Variants in ANKS1B observed in about 807,000 individuals in gnomAD.
The protein encoded by ANKS1B is ankyrin repeat and sterile alpha motif domain-containing protein 1B.
Under a neutral mutation model 148.3 loss-of-function variants are expected in ANKS1B, and 36 were observed. The observed-to-expected ratio is 0.24, with a 90% CI of 0.19 to 0.32. The LOEUF is 0.32. Ranked by LOEUF, ANKS1B falls within the 10% of genes least tolerant of loss-of-function variation. The pLI is 1.00. For synonymous variants in ANKS1B, 542 were observed against 560.8 expected (o/e 0.97, Z 0.47); for missense variants, 1,157 against 1,542.6 (o/e 0.75, Z 4.19).
chr12:98,983,552 G>A (rs1471915852), intron 17 of ANKS1B, among the ~76,000 whole-genome samples: 1 of 152,090 alleles, frequency 6.6e-6, no homozygotes, highest in Admixed American at 6.6e-5. Context: ...AAGTTATGAG[G>A]GTCATCTATA....
chr12:99,302,750 C>G (rs145676839), intron 12 of ANKS1B, among the ~76,000 whole-genome samples: 2 of 152,230 alleles, frequency 1.3e-5, no homozygotes, highest in Non-Finnish European at 2.9e-5. Context: ...TTTGGCAGCA[C>G]AGATTTGGCT....
chr12:99,857,840 G>C (rs1037390063), intron 1 of ANKS1B, among the ~76,000 whole-genome samples: 2 of 152,072 alleles, frequency 1.3e-5, no homozygotes, highest in African/African-American at 4.8e-5. Context: ...CCACATGTAG[G>C]AGAATGAAAC....
chr12:99,353,543 T>C (rs1191096172), intron 12 of ANKS1B, among the ~76,000 whole-genome samples: 1 of 152,086 alleles, frequency 6.6e-6, no homozygotes, highest in African/African-American at 2.4e-5. Flanking sequence ...TCTCCCAGAA[T>C]TCCAGAGCAT....
intron 9 of ANKS1B, among the ~76,000 whole-genome samples, chr12:99,506,195 T>G (rs941589575): frequency 6.6e-6 from 1 of 152,096 alleles, no homozygotes. Context: ...ACCATCTGTA[T>G]GTGCTACTTT....
chr12:99,476,481 T>C (rs116074354), intron 10 of ANKS1B, among the ~76,000 whole-genome samples: 219 of 152,230 alleles, frequency 1.4e-3, no homozygotes, highest in African/African-American at 4.8e-3. Context: ...GTACTACATA[T>C]AACAGATTAA....
rs1228939999 is a variant in ANKS1B, at chr12:99,634,971, A to G, written c.1272+20096T>C. Among the ~76,000 whole-genome samples, 3 of 152,232 alleles carry G rather than the reference A, an allele frequency of 2.0e-5. No individual in the cohort carries two copies. In the East Asian group the frequency reaches 5.8e-4, roughly 29 times the overall value. Reference sequence around the variant, plus strand: ...AAAAGACTTGAATAGACACTTTTCCAGAGAAGATATACAAATGGTCAACAA... The same window carrying G: ...AAAAGACTTGAATAGACACTTTTCCGGAGAAGATATACAAATGGTCAACAA... On this transcript the variant is annotated intron_variant, in intron 9 of 26. Transcript: ENST00000683438.
At chr12:99,690,532 T>C (rs2098673586) in intron 8 of ANKS1B, among the ~76,000 whole-genome samples, 2 of 152,096 alleles carry the variant, frequency 1.3e-5, no homozygotes, top group African/African-American at 4.8e-5. Context: ...CCATTCCAAA[T>C]GGGAGAAAAA....
At chr12:99,125,756 C>T (rs1030217263) in intron 15 of ANKS1B, among the ~76,000 whole-genome samples, 1 of 152,072 alleles carries the variant, frequency 6.6e-6, no homozygotes, top group Non-Finnish European at 1.5e-5. Context: ...AGCGAGGATG[C>T]TGATAAACAG....
In ANKS1B at chr12:99,706,148, T is replaced by C. The variant is rs888770930; in HGVS notation, c.1129-50938A>G. On this transcript the variant is annotated intron_variant, in intron 8 of 26. Coordinates refer to ENST00000683438, the MANE Select transcript of ANKS1B (RefSeq NM_001352186.2). ...GTGCTTGTGTGGGGTACTGTTATAGTAAGCGGTAGGAAAGAGAGGAATGCC... is the reference window on the plus strand; with the variant it reads ...GTGCTTGTGTGGGGTACTGTTATAGCAAGCGGTAGGAAAGAGAGGAATGCC... 2.6e-5 allele frequency among the ~76,000 whole-genome samples: 4 copies of C among 152,048 alleles called. No homozygotes were observed. The East Asian group carries it at 7.7e-4, about 29-fold the overall frequency.
chr12:99,807,331 T>C (rs1602564592), intron 3 of ANKS1B, among the ~76,000 whole-genome samples: 1 of 152,148 alleles, frequency 6.6e-6, no homozygotes, highest in Non-Finnish European at 1.5e-5. Flanking sequence ...CAGTACAACA[T>C]GTGCAGCTTA....
chr12:99,771,762 G>C (rs530890575), intron 8 of ANKS1B, among the ~76,000 whole-genome samples: 1 of 152,108 alleles, frequency 6.6e-6, no homozygotes, highest in East Asian at 1.9e-4. Context: ...AAAAGAGAGT[G>C]AAGCACAAAA....
intron 14 of ANKS1B, among the ~76,000 whole-genome samples, chr12:99,164,405 A>G (rs2076997935): frequency 6.6e-6 from 1 of 151,844 alleles, no homozygotes; most frequent in Non-Finnish European, 1.5e-5. Flanking sequence ...GTTCTTATTT[A>G]TTTACATTGT....
At chr12:99,631,406 T>C (rs921739501) in intron 9 of ANKS1B, among the ~76,000 whole-genome samples, 4 of 151,538 alleles carry the variant, frequency 2.6e-5, no homozygotes, top group Non-Finnish European at 5.9e-5. Context: ...GCTGGAAGAA[T>C]TTGGAGGAGC....
At chr12:98,894,502 T>C (rs2099759451) in intron 17 of ANKS1B, 9 of 907,198 alleles carry the variant, frequency 9.9e-6, no homozygotes, top group Non-Finnish European at 1.2e-5. Flanking sequence ...GCAAAGCGTC[T>C]CCGCAGCCTT....
At chr12:99,292,326 CTAAAAATAAAAATAAAAA>C (rs60100516) in intron 12 of ANKS1B, among the ~76,000 whole-genome samples, 13 of 139,560 alleles carry the variant, frequency 9.3e-5, no homozygotes, top group African/African-American at 3.2e-4. Flanking sequence ...CCCATCTCTA[CTAAAAATAAAAATAAAAA>C]TAAAAATAAA....
chr12:99,620,914 G>T (rs2098039692), intron 9 of ANKS1B, among the ~76,000 whole-genome samples: 1 of 152,068 alleles, frequency 6.6e-6, no homozygotes, highest in Non-Finnish European at 1.5e-5. Flanking sequence ...GAGAACACCT[G>T]CAAGATACTA....
In ANKS1B at chr12:99,648,779, G is replaced by T. The variant is rs1257516080; in HGVS notation, c.1272+6288C>A. The T allele has an allele frequency of 1.9e-6, 3 of 1,610,142 alleles. No homozygotes were observed. In the African/African-American group the frequency reaches 4.0e-5, roughly 21 times the overall value. The stretch of plus-strand genomic sequence containing the variant: ...TCATCTGTGTTGGAGGAAGTGCAGA[G>T]GAGCCCAGTGGTGAGTCTATGCAGA... On this transcript the variant is annotated intron_variant, in intron 9 of 26. Coordinates refer to ENST00000683438, the MANE Select transcript of ANKS1B (RefSeq NM_001352186.2).
intron 10 of ANKS1B, among the ~76,000 whole-genome samples, chr12:99,475,464 T>C (rs530107382): frequency 4.0e-5 from 6 of 151,824 alleles, no homozygotes; most frequent in African/African-American, 1.2e-4. Flanking sequence ...AAGAAATTCA[T>C]AGAAATTGTA....
At chr12:99,418,749 T>G (rs1430926775) in intron 11 of ANKS1B, among the ~76,000 whole-genome samples, 1 of 152,150 alleles carries the variant, frequency 6.6e-6, no homozygotes, top group African/African-American at 2.4e-5. Context: ...AGTCTTCATG[T>G]TTTTACCATT....
Sources: gnomAD v4.1 joint callset for allele counts (sites outside exome capture counted in the v4.1 genomes callset) on GRCh38, gnomAD v4.1.1 for gene constraint, MANE v1.5 for transcripts, NCBI Gene and HGNC (gene_info 2026-07-23, HGNC 2026-07-21) for gene names.